The following CCSER1 variants were observed in gnomAD, a reference collection of about 807,000 sequenced individuals.
CCSER1 encodes coiled-coil serine rich protein 1, also known as serine-rich coiled-coil domain-containing protein 1.
In CCSER1, 41 loss-of-function variants were observed where a neutral mutation model predicts 82.0. That is an observed-to-expected ratio of 0.50 (90% CI 0.39 to 0.65). The LOEUF (loss-of-function observed/expected upper bound fraction) is 0.65. Among genes scored for constraint, CCSER1 ranks in the 30% least tolerant of loss-of-function variants. The pLI is 0.00. For missense variants in CCSER1, 1,119 were observed against 1,064.2 expected, an observed-to-expected ratio of 1.05 and a Z score of -0.72; for synonymous variants, 414 against 383.9, an observed-to-expected ratio of 1.08 and a Z score of -0.92.
intron 6 of CCSER1, among the ~76,000 whole-genome samples, chr4:90,699,464 C>T (rs1737611602): frequency 6.6e-6 from 1 of 152,146 alleles, no homozygotes; most frequent in Non-Finnish European, 1.5e-5. Flanking sequence ...TTATACTTCC[C>T]TGTGCTAGGG....
chr4:90,362,111 A>G (rs1438077832), intron 3 of CCSER1, among the ~76,000 whole-genome samples: 1 of 152,140 alleles, frequency 6.6e-6, no homozygotes, highest in Non-Finnish European at 1.5e-5. Flanking sequence ...GCAAATACTG[A>G]CACTCTGGTT....
chr4:91,142,129 G>A (rs1041564923), intron 10 of CCSER1, among the ~76,000 whole-genome samples: 1 of 152,108 alleles, frequency 6.6e-6, no homozygotes, highest in African/African-American at 2.4e-5. Flanking sequence ...ATCCCCACGT[G>A]TCAAGGGTGG....
chr4:91,129,460 T>C (rs1727813502), intron 10 of CCSER1, among the ~76,000 whole-genome samples: 2 of 111,176 alleles, frequency 1.8e-5, no homozygotes, highest in South Asian at 4.9e-4. Context: ...GAAATTTAGA[T>C]ATTTAACTAT....
intron 8 of CCSER1, among the ~76,000 whole-genome samples, chr4:90,864,924 G>A (rs1360096145): frequency 6.6e-6 from 1 of 151,952 alleles, no homozygotes; most frequent in Non-Finnish European, 1.5e-5. Flanking sequence ...TTCTATGACT[G>A]CTGGTAGGTG....
rs544519292 is a variant in CCSER1 at position 91,144,798 on chromosome 4, G to GT, written c.2217+58812dup. Among the ~76,000 whole-genome samples the GT allele has an allele frequency of 1.3e-4, 20 of 151,558 alleles. No individual in the cohort carries two copies. In the South Asian group the frequency reaches 4.0e-3, roughly 30 times the overall value. ...CAGATGCTCTTCATATTGATTTCTAGTTTTTTTTCTACTGTGGTTCTAGAA... is the reference window on the plus strand; with the variant it reads ...CAGATGCTCTTCATATTGATTTCTAGTTTTTTTTTCTACTGTGGTTCTAGAA... On this transcript the variant is annotated intron_variant, in intron 10 of 10. Coordinates refer to ENST00000509176, the MANE Select transcript of CCSER1 (RefSeq NM_001145065.2).
intron 3 of CCSER1, among the ~76,000 whole-genome samples, chr4:90,379,716 T>A (rs1748915681): frequency 6.6e-6 from 1 of 152,134 alleles, no homozygotes; most frequent in African/African-American, 2.4e-5. Context: ...TATGATATGG[T>A]ATAAGAAATG....
Position 91,235,057 on chromosome 4 carries a change from G to A in CCSER1, c.2217+149063G>A, listed in dbSNP as rs568798891. ...GTTGTGCCTTATTAATGTGCAAAAT[G>A]AAAAAAACAAAGAACACCCTTGTGA... On this transcript the variant is annotated intron_variant, in intron 10 of 10. Transcript: ENST00000509176. Among the ~76,000 whole-genome samples, 89 of 151,818 alleles carry A rather than the reference G, an allele frequency of 5.9e-4. 2 individuals are homozygous for A. The South Asian group carries it at 0.017, about 30-fold the overall frequency.
At chr4:90,444,780 G>T (rs187743966) in intron 4 of CCSER1, among the ~76,000 whole-genome samples, 7 of 151,738 alleles carry the variant, frequency 4.6e-5, no homozygotes, top group African/African-American at 1.7e-4. Context: ...ATAGTATTTC[G>T]ACAATACCTT....
Position 90,468,237 on chromosome 4 carries a change from G to C in CCSER1, c.1607G>C (p.Cys536Ser). ...LEEQSLHPSV[C>S]REDSYHSVVS... ...ATTCCTCGGTTTTTTTGAACAGTTTGCCGGGAGGACTCATATCACTCTGTC... is the reference window on the plus strand; with the variant it reads ...ATTCCTCGGTTTTTTTGAACAGTTTCCCGGGAGGACTCATATCACTCTGTC... The change falls in exon 5 of 11, where the codon TGC becomes TCC. Residue 536 changes from cysteine to serine, a missense_variant. Coordinates refer to ENST00000509176, the MANE Select transcript of CCSER1 (RefSeq NM_001145065.2). 1 of 1,592,410 alleles carries C rather than the reference G, an allele frequency of 6.3e-7. No homozygotes were observed. The highest frequency in any genetic ancestry group is 1.2e-5 in the South Asian group (1 of 85,740).
chr4:91,058,176 C>T (rs1743619986), intron 9 of CCSER1, among the ~76,000 whole-genome samples: 1 of 152,132 alleles, frequency 6.6e-6, no homozygotes, highest in Admixed American at 6.6e-5. Flanking sequence ...CACCCTTCAC[C>T]CTCTGAGAAG....
intron 8 of CCSER1, among the ~76,000 whole-genome samples, chr4:90,915,776 G>A (rs1400698351): frequency 3.3e-5 from 5 of 151,968 alleles, no homozygotes; most frequent in African/African-American, 1.2e-4. Flanking sequence ...CATTGTCTCA[G>A]CCCAAAATCT....
chr4:90,859,880 T>A (rs1347307819), intron 8 of CCSER1, among the ~76,000 whole-genome samples: 2 of 151,738 alleles, frequency 1.3e-5, no homozygotes, highest in East Asian at 1.9e-4. Context: ...TTATTTCATA[T>A]GTATGGCTTA....
intron 10 of CCSER1, among the ~76,000 whole-genome samples, chr4:91,453,466 T>A (rs916740253): frequency 3.9e-5 from 6 of 152,012 alleles, no homozygotes; most frequent in Non-Finnish European, 8.8e-5. Context: ...CTGTTACAAA[T>A]GTTTACTTTT....
intron 4 of CCSER1, among the ~76,000 whole-genome samples, chr4:90,404,514 A>T (rs779473227): frequency 6.6e-6 from 1 of 152,218 alleles, no homozygotes; most frequent in Non-Finnish European, 1.5e-5. Flanking sequence ...ACTGCAGCTG[A>T]TGCCTTCTTG....
chr4:91,238,944 C>T (rs548758563), intron 10 of CCSER1, among the ~76,000 whole-genome samples: 3 of 152,040 alleles, frequency 2.0e-5, no homozygotes, highest in Non-Finnish European at 4.4e-5. Flanking sequence ...CTGCCTCAGC[C>T]TCCCAAGTAG....
chr4:90,441,689 A>G (rs941439125), intron 4 of CCSER1, among the ~76,000 whole-genome samples: 4 of 152,172 alleles, frequency 2.6e-5, no homozygotes, highest in African/African-American at 9.7e-5. Context: ...GAATTGACTT[A>G]TAGTGTGAAT....
chr4:91,491,028 A>C, intron 10 of CCSER1, among the ~76,000 whole-genome samples: 1 of 148,394 alleles, frequency 6.7e-6, no homozygotes, highest in Admixed American at 6.8e-5. Flanking sequence ...TCCATTATCT[A>C]ATTTAAATTA....
At chr4:91,104,237 CT>C (rs1219875618) in intron 10 of CCSER1, among the ~76,000 whole-genome samples, 1 of 152,132 alleles carries the variant, frequency 6.6e-6, no homozygotes, top group African/African-American at 2.4e-5. Flanking sequence ...TTGCCCTTTG[CT>C]TTGTGATTTT....
Position 91,604,942 on chromosome 4 carries a change from G to A in CCSER1, c.*5885G>A, listed in dbSNP as rs1339032828. ...GAATGCAAGAGAATTGATTATCTTA[G>A]TTAGACCCCATTTTTAAGGAAAAAA... On this transcript the variant is annotated 3_prime_UTR_variant, in exon 11 of 11. Transcript: ENST00000509176. The A allele has an allele frequency of 6.6e-6, 1 of 151,860 alleles. No individual in the cohort carries two copies. The highest frequency in any genetic ancestry group is 1.5e-5 in the Non-Finnish European group (1 of 67,906). 9.4% of individuals were successfully genotyped at this position (151,860 alleles called of 1,614,324 possible). A position where few individuals can be genotyped will look rare whatever the true frequency, so the allele number is the denominator to read the frequency against.
Sources: allele counts gnomAD v4.1 joint callset (sites outside exome capture counted in the v4.1 genomes callset), GRCh38; gene constraint gnomAD v4.1.1; transcripts MANE v1.5; gene names NCBI Gene and HGNC (gene_info 2026-07-23, HGNC 2026-07-21).